Variants in CNTN6 observed in about 807,000 individuals in gnomAD.
The protein encoded by CNTN6 is contactin 6.
In CNTN6, 137 loss-of-function variants were observed where a neutral mutation model predicts 122.8. That is an observed-to-expected ratio of 1.12 (90% CI 0.97 to 1.29). The LOEUF is 1.29. CNTN6 is among the 50% of genes most tolerant of loss of function. CNTN6 has a pLI of 0.00. For missense variants in CNTN6, 1,634 were observed against 1,223.4 expected (o/e 1.34, Z -5.01); for synonymous variants, 570 against 426.0 (o/e 1.34, Z -4.16).
At chr3:1,122,020 T>C (rs2091965702) in intron 1 of CNTN6, among the ~76,000 whole-genome samples, 1 of 151,968 alleles carries the variant, frequency 6.6e-6, no homozygotes. Context: ...GTTTTCTTAT[T>C]TGTAAAATAG....
chr3:1,128,785 T>A (rs1327662322), intron 1 of CNTN6, among the ~76,000 whole-genome samples: 2 of 151,918 alleles, frequency 1.3e-5, no homozygotes, highest in Admixed American at 6.6e-5. Flanking sequence ...TTTAAAAAAA[T>A]GACATTAGAA....
At chr3:1,276,859 C>T (rs1331868885) in intron 4 of CNTN6, among the ~76,000 whole-genome samples, 1 of 152,178 alleles carries the variant, frequency 6.6e-6, no homozygotes, top group Non-Finnish European at 1.5e-5. Flanking sequence ...TATGTTTCTG[C>T]TCCAGCTAGT....
At chr3:1,313,653 T>A (rs1699707583) in intron 7 of CNTN6, among the ~76,000 whole-genome samples, 2 of 152,130 alleles carry the variant, frequency 1.3e-5, no homozygotes. Flanking sequence ...CATTTGTGGC[T>A]TTTCAAAGAT....
intron 20 of CNTN6, among the ~76,000 whole-genome samples, chr3:1,396,838 T>C (rs541832601): frequency 7.4e-4 from 113 of 152,338 alleles, no homozygotes; most frequent in African/African-American, 2.6e-3. Context: ...GCTATTCCTG[T>C]ATGTAACTTT....
intron 1 of CNTN6, among the ~76,000 whole-genome samples, chr3:1,147,327 A>T (rs2092744199): frequency 6.6e-6 from 1 of 152,114 alleles, no homozygotes; most frequent in Non-Finnish European, 1.5e-5. Context: ...AATCAACCAT[A>T]GTCTGTTACA....
intron 4 of CNTN6, among the ~76,000 whole-genome samples, chr3:1,265,864 C>G (rs1559651114): frequency 6.6e-6 from 1 of 151,960 alleles, no homozygotes; most frequent in African/African-American, 2.4e-5. Flanking sequence ...ACTGTCTGTA[C>G]TATGTTTTAT....
At chr3:1,360,625 T>G (rs968928017) in intron 12 of CNTN6, among the ~76,000 whole-genome samples, 3 of 151,992 alleles carry the variant, frequency 2.0e-5, no homozygotes, top group Non-Finnish European at 4.4e-5. Context: ...TTTTCTCTCT[T>G]AGTCTTCATT....
intron 7 of CNTN6, among the ~76,000 whole-genome samples, chr3:1,302,615 T>C (rs9879691): frequency 0.059 from 9,018 of 152,162 alleles, 931 homozygotes; most frequent in African/African-American, 0.21. Flanking sequence ...TAAGAGAGCT[T>C]CTGATATAAA....
chr3:1,142,365 G>A (rs906023576), intron 1 of CNTN6, among the ~76,000 whole-genome samples: 2 of 152,114 alleles, frequency 1.3e-5, no homozygotes, highest in African/African-American at 4.8e-5. Flanking sequence ...AAGCAAGTCA[G>A]TGATACATGG....
chr3:1,361,445 T>C (rs1159395934), intron 12 of CNTN6, among the ~76,000 whole-genome samples: 1 of 152,120 alleles, frequency 6.6e-6, no homozygotes, highest in Non-Finnish European at 1.5e-5. Context: ...TGGAATAAGG[T>C]AAGGGTGCAA....
intron 1 of CNTN6, among the ~76,000 whole-genome samples, chr3:1,113,226 C>G (rs905781717): frequency 1.3e-5 from 2 of 152,126 alleles, no homozygotes; most frequent in African/African-American, 4.8e-5. Flanking sequence ...GAATAATTAA[C>G]ACAAGGTCTA....
intron 11 of CNTN6, among the ~76,000 whole-genome samples, chr3:1,347,828 T>A (rs1456419151): frequency 6.6e-6 from 1 of 152,104 alleles, no homozygotes; most frequent in Non-Finnish European, 1.5e-5. Context: ...AGAGGTTGCA[T>A]GAATTCACGG....
intron 1 of CNTN6, among the ~76,000 whole-genome samples, chr3:1,118,911 C>G (rs2091838719): frequency 6.6e-6 from 1 of 152,052 alleles, no homozygotes; most frequent in Non-Finnish European, 1.5e-5. Context: ...TTCCTCTCTC[C>G]TTTTTCTTTT....
chr3:1,103,544 G>T (rs956157552), intron 1 of CNTN6, among the ~76,000 whole-genome samples: 1 of 152,164 alleles, frequency 6.6e-6, no homozygotes, highest in African/African-American at 2.4e-5. Flanking sequence ...CTTTTGTCAT[G>T]CAGATGTACG....
At chr3:1,275,492 A>G (rs1332611299) in intron 4 of CNTN6, among the ~76,000 whole-genome samples, 3 of 152,168 alleles carry the variant, frequency 2.0e-5, no homozygotes, top group African/African-American at 7.2e-5. Context: ...ACCTCTAAAT[A>G]TGGAGATTTT....
At chr3:1,335,422 C>T (rs1702912627) in intron 11 of CNTN6, among the ~76,000 whole-genome samples, 1 of 152,164 alleles carries the variant, frequency 6.6e-6, no homozygotes, top group Non-Finnish European at 1.5e-5. Context: ...TCCACATCTG[C>T]TAAGTTTGAT....
intron 4 of CNTN6, among the ~76,000 whole-genome samples, chr3:1,249,641 C>A (rs920344265): frequency 6.6e-6 from 1 of 152,086 alleles, no homozygotes; most frequent in Non-Finnish European, 1.5e-5. Context: ...GAGAATTGTG[C>A]GGTTGAGAGA....
rs776237249 is a variant in CNTN6, at chr3:1,385,467, C to A, written c.2518-144C>A. 3 of 559,238 alleles carry A rather than the reference C, an allele frequency of 5.4e-6. No homozygotes were observed. The South Asian group carries it at 1.0e-4, about 19-fold the overall frequency. 34.6% of individuals were successfully genotyped at this position (559,238 alleles called of 1,614,324 possible). A position where few individuals can be genotyped will look rare whatever the true frequency, so the allele number is the denominator to read the frequency against. On this transcript the variant is annotated intron_variant, in intron 19 of 22. Transcript: ENST00000446702. ...AATAACAATTTTGTTGTTGTATAACCATTTTAATTAGAAAACGTTTTTGTC... is the reference window on the plus strand; with the variant it reads ...AATAACAATTTTGTTGTTGTATAACAATTTTAATTAGAAAACGTTTTTGTC...
chr3:1,384,666 C>CGA (rs1491168710), intron 19 of CNTN6, among the ~76,000 whole-genome samples: 1 of 113,576 alleles, frequency 8.8e-6, no homozygotes, highest in Non-Finnish European at 1.8e-5. Flanking sequence ...TTAATTTTGC[C>CGA]TATATATATA....
Sources: gnomAD v4.1 joint callset for allele counts (sites outside exome capture counted in the v4.1 genomes callset) on GRCh38, gnomAD v4.1.1 for gene constraint, MANE v1.5 for transcripts, NCBI Gene and HGNC (gene_info 2026-07-23, HGNC 2026-07-21) for gene names.